Variants in MAL observed in about 807,000 individuals in gnomAD.
The protein encoded by MAL is myelin and lymphocyte protein.
In MAL, 5 loss-of-function variants were observed where a neutral mutation model predicts 16.7. The observed-to-expected ratio is 0.30, with a 90% confidence interval of 0.16 to 0.63. MAL has a LOEUF of 0.63. MAL is among the 30% of genes least tolerant of loss of function. The probability of loss-of-function intolerance (pLI) is 0.82; values close to 1 mark genes in which losing one functional copy is unlikely to be tolerated. For missense variants in MAL, 202 were observed against 195.8 expected (o/e 1.03, Z -0.19); for synonymous variants, 96 against 85.5 (o/e 1.12, Z -0.67).
intron 1 of MAL, among the ~76,000 whole-genome samples, chr2:95,037,529 CGAGTGAGTGACTGAGTGAGT>C (rs1674263975): frequency 1.2e-4 from 5 of 40,692 alleles, no homozygotes; most frequent in South Asian, 9.2e-4. Flanking sequence ...AGTGAGCAAG[CGAGTGAGTGACTGAGTGAGT>C]GAGTGAGTGA....
chr2:95,025,868 C>T lies in MAL; in HGVS notation c.76C>T (p.Leu26Phe), dbSNP rs1193421886. The T allele has an allele frequency of 6.4e-7, 1 of 1,572,980 alleles. No homozygotes were observed. Among genetic ancestry groups the T allele is most frequent in the Admixed American group, 1.8e-5 (1 of 54,816 alleles). ...FSVFTTLPDL[L>F]FIFEFIFGGL... Reference sequence around the variant, plus strand: ...GGTCTTCACCACCTTGCCCGACTTGCTCTTCATCTTTGAGTTTGTGAGTGG... The same window carrying T: ...GGTCTTCACCACCTTGCCCGACTTGTTCTTCATCTTTGAGTTTGTGAGTGG... The change falls in exon 1 of 4, where the codon CTC becomes TTC. Residue 26 changes from leucine to phenylalanine, a missense_variant. Physicochemically the swap from Leu to Phe is conservative, Grantham distance 22. Transcript: ENST00000309988. The surrounding 1 kb of genome is among the most constrained non-coding windows in gnomAD (Gnocchi z 5.6).
chr2:95,041,227 G>A (rs1674456611), intron 1 of MAL, among the ~76,000 whole-genome samples: 1 of 152,244 alleles, frequency 6.6e-6, no homozygotes, highest in Non-Finnish European at 1.5e-5. Context: ...ATGTGCCAGA[G>A]AATGCGTCTT....
chr2:95,053,546 T>C lies in MAL; in HGVS notation c.*91T>C, dbSNP rs1674766834. ...ACTTTTTAGAAAACAGAAATGCCCT[T>C]GATGGTGGAAAAAAGAAAACAACCA... On this transcript the variant is annotated 3_prime_UTR_variant, in exon 4 of 4. Coordinates refer to ENST00000309988, the MANE Select transcript of MAL (RefSeq NM_002371.4). The C allele has an allele frequency of 5.8e-6, 6 of 1,028,988 alleles. No homozygotes were observed. The highest frequency in any genetic ancestry group is 3.9e-5 in the Admixed American group (2 of 50,706). The allele number at this position is 1,028,988 out of a possible 1,614,324, so 63.7% of individuals were successfully genotyped here. A position where few individuals can be genotyped will look rare whatever the true frequency, so the allele number is the denominator to read the frequency against.
intron 1 of MAL, among the ~76,000 whole-genome samples, chr2:95,036,765 G>GTGAGTGAGTGAC (rs1202629598): frequency 6.6e-6 from 1 of 151,612 alleles, no homozygotes; most frequent in Non-Finnish European, 1.5e-5. Context: ...GAGTGACTGA[G>GTGAGTGAGTGAC]TGAGTGAGTG....
chr2:95,037,942 A>G (rs1471925035), intron 1 of MAL, among the ~76,000 whole-genome samples: 3,057 of 29,736 alleles, frequency 0.1, no homozygotes, highest in Middle Eastern at 0.18. Flanking sequence ...GTGAGTGAGT[A>G]ACTGAGTGAG....
At chr2:95,031,432 G>A (rs923368775) in intron 1 of MAL, among the ~76,000 whole-genome samples, 1 of 152,224 alleles carries the variant, frequency 6.6e-6, no homozygotes, top group African/African-American at 2.4e-5. Flanking sequence ...GTCCAGGGCA[G>A]GTTGAAGAAC....
chr2:95,039,541 T>C (rs1363611039), intron 1 of MAL, among the ~76,000 whole-genome samples: 1 of 143,094 alleles, frequency 7.0e-6, no homozygotes, highest in Non-Finnish European at 1.5e-5. Context: ...AGTGGGTGAG[T>C]GAGTGACTTG....
intron 1 of MAL, among the ~76,000 whole-genome samples, chr2:95,046,337 T>C (rs1674584982): frequency 6.6e-6 from 1 of 151,870 alleles, no homozygotes; most frequent in East Asian, 1.9e-4. Flanking sequence ...CACATAGGCC[T>C]GGAGTGCTTC....
Position 95,053,422 on chromosome 2 carries a change from G to C in MAL, c.429G>C (p.Ala143=), listed in dbSNP as rs116607248. 240 of 1,613,626 alleles carry C rather than the reference G, an allele frequency of 1.5e-4. No homozygotes were observed. The African/African-American group carries it at 2.9e-3, about 20-fold the overall frequency. Residue 143 remains alanine, a synonymous_variant, in exon 4 of 4, where the codon GCG becomes GCC. Transcript: ENST00000309988. The stretch of plus-strand genomic sequence containing the variant: ...CCACTCTGCTCTACGTGGTCCATGC[G>C]GTGTTCTCTTTAATCAGATGGAAGT... The part of the protein sequence containing the change: ...YIATLLYVVH[A]VFSLIRWKSS
Position 95,033,305 on chromosome 2 carries a change from C to T in MAL, c.93+7420C>T, listed in dbSNP as rs116258011. ...GACTGAACTACAGGCCTGCATCTGCCGAAGAGGGAGCGGGATCCTTTGGCA... is the reference window on the plus strand; with the variant it reads ...GACTGAACTACAGGCCTGCATCTGCTGAAGAGGGAGCGGGATCCTTTGGCA... On this transcript the variant is annotated intron_variant, in intron 1 of 3. Coordinates refer to ENST00000309988, the MANE Select transcript of MAL (RefSeq NM_002371.4). 7.8e-3 allele frequency among the ~76,000 whole-genome samples: 1,187 copies of T among 152,254 alleles called. 14 individuals carry two copies. Among genetic ancestry groups the T allele is most frequent in the African/African-American group, 0.027 (1,137 of 41,520 alleles).
intron 2 of MAL, 139 bp downstream of exon 2, chr2:95,048,265 G>T: frequency 1.1e-6 from 1 of 944,344 alleles, no homozygotes. Context: ...GGCTGAGCCT[G>T]CCCAGGGCTC....
At chr2:95,039,372 C>CTGAG (rs532793861) in intron 1 of MAL, among the ~76,000 whole-genome samples, 66 of 68,648 alleles carry the variant, frequency 9.6e-4, no homozygotes, top group Admixed American at 1.3e-3. Flanking sequence ...GACTGAGTAA[C>CTGAG]TGAGTGAGTG....
At chr2:95,041,742 T>C (rs1289559913) in intron 1 of MAL, among the ~76,000 whole-genome samples, 7 of 152,076 alleles carry the variant, frequency 4.6e-5, no homozygotes, top group Admixed American at 4.6e-4. Flanking sequence ...CTCCCATGAT[T>C]AATTTGGAAA....
chr2:95,033,520 G>C (rs536291149), intron 1 of MAL, among the ~76,000 whole-genome samples: 1 of 152,108 alleles, frequency 6.6e-6, no homozygotes, highest in Non-Finnish European at 1.5e-5. Flanking sequence ...TAACGCGCCT[G>C]TAATCCTGGC....
intron 1 of MAL, among the ~76,000 whole-genome samples, chr2:95,043,741 C>T (rs1245306449): frequency 6.6e-6 from 1 of 152,218 alleles, no homozygotes; most frequent in East Asian, 1.9e-4. Context: ...CTCAGGATTG[C>T]TCTTCACCCT....
intron 1 of MAL, among the ~76,000 whole-genome samples, chr2:95,032,602 A>T (rs906585162): frequency 5.3e-5 from 8 of 152,156 alleles, no homozygotes; most frequent in Admixed American, 4.6e-4. Context: ...TGAAGCAGGA[A>T]CGTTCTGGGG....
intron 1 of MAL, among the ~76,000 whole-genome samples, chr2:95,045,756 G>A (rs1389364844): frequency 3.3e-5 from 5 of 152,312 alleles, no homozygotes; most frequent in East Asian, 3.9e-4. Flanking sequence ...ACCCTCGCAT[G>A]CCTCCTGAAT....
In MAL at chr2:95,025,908, AG is replaced by A; in HGVS notation, c.93+26del. On this transcript the variant is annotated intron_variant, in intron 1 of 3. Coordinates refer to ENST00000309988, the MANE Select transcript of MAL (RefSeq NM_002371.4). This position sits in a 1 kb window ranked among gnomAD's most constrained non-coding sequence, Gnocchi z 5.6. ...TTTGTGAGTGGCTCCTGGCCGGGGA[AG>A]GGACGGGGTGGGCTGAGCCGTGCGC... The A allele has an allele frequency of 1.3e-6, 2 of 1,530,828 alleles. No individual in the cohort carries two copies. The highest frequency in any genetic ancestry group is 1.8e-6 in the Non-Finnish European group (2 of 1,135,902). The allele number at this position is 1,530,828 out of a possible 1,614,324, so 94.8% of individuals were successfully genotyped here.
intron 1 of MAL, among the ~76,000 whole-genome samples, chr2:95,036,300 C>T (rs1259878228): frequency 6.6e-6 from 1 of 152,220 alleles, no homozygotes; most frequent in Non-Finnish European, 1.5e-5. Context: ...TCTCGGACCC[C>T]TCCCCCGATC....
Sources: gnomAD v4.1 joint callset for allele counts (sites outside exome capture counted in the v4.1 genomes callset) on GRCh38, gnomAD v4.1.1 for gene constraint, Gnocchi (gnomAD v3.1) non-coding constraint, MANE v1.5 for transcripts, NCBI Gene and HGNC (gene_info 2026-07-23, HGNC 2026-07-21) for gene names.